The following SULF2 variants were observed in gnomAD, a reference collection of about 807,000 sequenced individuals.
The protein encoded by SULF2 is extracellular sulfatase Sulf-2.
A neutral mutation model predicts 107.7 loss-of-function variants in SULF2; 52 were observed. The observed-to-expected ratio is 0.48, with a 90% CI of 0.39 to 0.61. The LOEUF (loss-of-function observed/expected upper bound fraction) is 0.61. SULF2 is among the 20% of genes least tolerant of loss of function. The pLI, the probability that SULF2 is intolerant of heterozygous loss-of-function variation, is 0.00. For synonymous variants in SULF2, 460 were observed against 464.3 expected (o/e 0.99, Z 0.12); for missense variants, 993 against 1,177.3 (o/e 0.84, Z 2.29).
At chr20:47,744,625 A>G (rs114158893) in intron 2 of SULF2, among the ~76,000 whole-genome samples, 15 of 152,140 alleles carry the variant, frequency 9.9e-5, no homozygotes, top group African/African-American at 3.6e-4. Flanking sequence ...GATGGTCTTG[A>G]ACTCCAGGGC....
intron 3 of SULF2, among the ~76,000 whole-genome samples, chr20:47,736,221 C>T (rs1196889391): frequency 6.6e-6 from 1 of 152,152 alleles, no homozygotes; most frequent in Non-Finnish European, 1.5e-5. Context: ...AGTCAACCAC[C>T]ATGTCAGTTT....
chr20:47,731,185 C>CTTTTTTTTT (rs199660759), intron 3 of SULF2, among the ~76,000 whole-genome samples: 16 of 93,330 alleles, frequency 1.7e-4, no homozygotes, highest in African/African-American at 6.4e-4. Flanking sequence ...CCTGTATCTT[C>CTTTTTTTTT]TCTTTTTTTT....
intron 15 of SULF2, 142 bp from the exon 16 acceptor site, chr20:47,663,764 C>G: frequency 1.0e-6 from 1 of 977,188 alleles, no homozygotes; most frequent in Non-Finnish European, 1.5e-6. Flanking sequence ...GGTCCCAAGT[C>G]CCAGTGCTGC....
chr20:47,760,392 T>C (rs142693924), intron 1 of SULF2, among the ~76,000 whole-genome samples: 1 of 151,960 alleles, frequency 6.6e-6, no homozygotes, highest in Non-Finnish European at 1.5e-5. Flanking sequence ...CGTGTCTGTG[T>C]GTGTGGATGC....
At chr20:47,776,083 A>G (rs990026784) in intron 1 of SULF2, among the ~76,000 whole-genome samples, 3 of 152,242 alleles carry the variant, frequency 2.0e-5, no homozygotes, top group African/African-American at 7.2e-5. Flanking sequence ...GATGGAACAG[A>G]GAAATATTGC....
In SULF2 at chr20:47,672,212, T is replaced by G. The variant is rs1444096755; in HGVS notation, c.1562A>C (p.Lys521Thr). Residue 521 changes from lysine (K) to threonine (T), a missense_variant, in exon 11 of 21, where the codon AAA (lysine) becomes ACA (threonine). Lys to Thr is a moderately conservative substitution (Grantham distance 78). Around this residue, in one of 3 missense-constraint regions of SULF2, gnomAD observed 497 missense variants for 544.1 expected, o/e 0.91. Transcript: ENST00000688720. Reference protein sequence around the residue: ...YKLSLAGRRKKLFKKKYKASY... With the variant: ...YKLSLAGRRKTLFKKKYKASY... ...GTGACACTTACTCTTCTTGAAGAGT[T>G]TTTTCCGGCGTCCGGCCAGGCTGAG... The G allele has an allele frequency of 6.2e-6, 10 of 1,608,740 alleles. No individual in the cohort carries two copies. The highest frequency in any genetic ancestry group is 1.1e-5 in the South Asian group (1 of 90,878).
chr20:47,748,003 G>C (rs928300769), intron 2 of SULF2, among the ~76,000 whole-genome samples: 3 of 152,142 alleles, frequency 2.0e-5, no homozygotes, highest in Non-Finnish European at 4.4e-5. Flanking sequence ...CCCTGCTTCC[G>C]CTCTTGTCCC....
At chr20:47,783,920 G>C (rs936750956) in intron 1 of SULF2, among the ~76,000 whole-genome samples, 1 of 152,148 alleles carries the variant, frequency 6.6e-6, no homozygotes, top group African/African-American at 2.4e-5. Flanking sequence ...TCTCTTACAG[G>C]GAAGGGGCCC....
chr20:47,696,276 G>A (rs1195811770), intron 4 of SULF2, among the ~76,000 whole-genome samples: 2 of 152,174 alleles, frequency 1.3e-5, no homozygotes, highest in Admixed American at 6.5e-5. Flanking sequence ...ACAGTATCTG[G>A]TACATGGTAT....
At chr20:47,696,409 C>CG (rs1491202591) in intron 4 of SULF2, among the ~76,000 whole-genome samples, 2 of 151,698 alleles carry the variant, frequency 1.3e-5, no homozygotes, top group Non-Finnish European at 1.5e-5. Context: ...ACCACCCCCC[C>CG]ACCCCCATAA....
At chr20:47,750,655 T>C (rs1249570407) in intron 2 of SULF2, among the ~76,000 whole-genome samples, 1 of 152,228 alleles carries the variant, frequency 6.6e-6, no homozygotes, top group African/African-American at 2.4e-5. Flanking sequence ...CAATGTCCTC[T>C]ATTGGTGTCC....
chr20:47,752,584 C>A (rs999992693), intron 2 of SULF2, among the ~76,000 whole-genome samples: 10 of 146,610 alleles, frequency 6.8e-5, no homozygotes, highest in South Asian at 2.2e-4. Context: ...AAAAAAAAAA[C>A]CCCAAAAACT....
chr20:47,661,727 T>C (rs1359015144), intron 18 of SULF2, 46 bp downstream of exon 18: 2 of 1,449,726 alleles, frequency 1.4e-6, no homozygotes, highest in Admixed American at 2.1e-5. Context: ...TCCCTTCCTT[T>C]GGTTACCCTG....
intron 3 of SULF2, among the ~76,000 whole-genome samples, chr20:47,726,950 T>C (rs1332171632): frequency 6.6e-6 from 1 of 151,948 alleles, no homozygotes; most frequent in Non-Finnish European, 1.5e-5. Flanking sequence ...CGCATGGAGC[T>C]GATCTTCAGG....
intron 13 of SULF2, 26 bp downstream of exon 13, chr20:47,665,831 A>G: frequency 6.3e-7 from 1 of 1,595,632 alleles, no homozygotes; most frequent in Non-Finnish European, 8.6e-7. Flanking sequence ...GGCCGAGAGC[A>G]TGCTCCTCTC....
In SULF2 at chr20:47,730,940, A is replaced by G. The variant is rs114862662; in HGVS notation, c.415+5763T>C. ...GATCCACGCTGGGCAAGTTGGCACAAACCATGTGCTTTATATGATGATTGG... is the reference window on the plus strand; with the variant it reads ...GATCCACGCTGGGCAAGTTGGCACAGACCATGTGCTTTATATGATGATTGG... On this transcript the variant is annotated intron_variant, in intron 3 of 20. Transcript: ENST00000688720. Among the ~76,000 whole-genome samples the G allele has an allele frequency of 2.2e-3, 336 of 152,216 alleles. 2 individuals carry two copies. Among genetic ancestry groups the G allele is most frequent in the African/African-American group, 7.2e-3 (300 of 41,526 alleles).
intron 5 of SULF2, 24 bp from the exon 6 acceptor site, chr20:47,684,605 C>G: frequency 1.2e-6 from 2 of 1,608,036 alleles, no homozygotes; most frequent in Non-Finnish European, 1.7e-6. Flanking sequence ...ACATACACAT[C>G]GGTCAAACCC....
Position 47,780,280 on chromosome 20 carries a change from G to A in SULF2, c.-101+5063C>T, listed in dbSNP as rs1160076731. On this transcript the variant is annotated intron_variant, in intron 1 of 20. Coordinates refer to ENST00000688720, the MANE Select transcript of SULF2 (RefSeq NM_001387048.1). ...GATCTAACTGCCTCAGCCTCCCAAAGTGCTGAGATTTCAGGCGTGAGCCAC... is the reference window on the plus strand; with the variant it reads ...GATCTAACTGCCTCAGCCTCCCAAAATGCTGAGATTTCAGGCGTGAGCCAC... 2.6e-5 allele frequency among the ~76,000 whole-genome samples: 4 copies of A among 151,724 alleles called. No homozygotes were observed. The East Asian group carries it at 5.9e-4, about 22-fold the overall frequency.
At chr20:47,669,197 C>T (rs2146427982) in intron 11 of SULF2, among the ~76,000 whole-genome samples, 1 of 152,232 alleles carries the variant, frequency 6.6e-6, no homozygotes, top group East Asian at 1.9e-4. Context: ...ATGAATGAAC[C>T]CCAGTCAGCT....
Sources: allele counts gnomAD v4.1 joint callset (sites outside exome capture counted in the v4.1 genomes callset), GRCh38; gene constraint gnomAD v4.1.1; regional missense constraint gnomAD v4.1.1; transcripts MANE v1.5; gene names NCBI Gene and HGNC (gene_info 2026-07-23, HGNC 2026-07-21).